The following INPP4B variants were observed in gnomAD, a reference collection of about 807,000 sequenced individuals.
INPP4B encodes the protein inositol polyphosphate 4-phosphatase type II.
A neutral mutation model predicts 122.5 loss-of-function variants in INPP4B; 55 were observed. The observed-to-expected ratio is 0.45, with a 90% CI of 0.36 to 0.56. The LOEUF (loss-of-function observed/expected upper bound fraction) is 0.56. Among genes scored for constraint, INPP4B ranks in the 20% least tolerant of loss-of-function variants. The probability of loss-of-function intolerance (pLI) is 0.00; values close to 1 mark genes in which losing one functional copy is unlikely to be tolerated. For synonymous variants in INPP4B, 403 were observed against 388.7 expected (o/e 1.04, Z -0.43); for missense variants, 1,000 against 1,097.7 (o/e 0.91, Z 1.26).
intron 15 of INPP4B, among the ~76,000 whole-genome samples, chr4:142,189,070 T>C (rs1369098394): frequency 1.3e-5 from 2 of 152,212 alleles, no homozygotes; most frequent in Non-Finnish European, 2.9e-5. Context: ...CTATTTATAA[T>C]AGAGAATAAG....
At chr4:142,550,018 G>A (rs1237996394) in intron 2 of INPP4B, among the ~76,000 whole-genome samples, 2 of 152,132 alleles carry the variant, frequency 1.3e-5, no homozygotes, top group African/African-American at 4.8e-5. Flanking sequence ...CTAGCAGGTT[G>A]GTGAATTTTC....
At chr4:142,645,549 T>C (rs1751566043) in intron 2 of INPP4B, among the ~76,000 whole-genome samples, 4 of 152,226 alleles carry the variant, frequency 2.6e-5, no homozygotes, top group Non-Finnish European at 5.9e-5. Flanking sequence ...ACTTCTGTGC[T>C]ATCCACATCC....
intron 2 of INPP4B, among the ~76,000 whole-genome samples, chr4:142,646,353 A>AT: frequency 6.6e-6 from 1 of 152,260 alleles, no homozygotes; most frequent in African/African-American, 2.4e-5. Context: ...AGAAGATCCT[A>AT]TTTTTAAAAA....
intron 9 of INPP4B, among the ~76,000 whole-genome samples, chr4:142,289,501 C>T (rs1197358334): frequency 6.6e-6 from 1 of 152,164 alleles, no homozygotes; most frequent in African/African-American, 2.4e-5. Flanking sequence ...TCCCAGCATC[C>T]ACAAGCTATT....
At chr4:142,060,515 G>A (rs1038213686) in intron 25 of INPP4B, among the ~76,000 whole-genome samples, 1 of 152,154 alleles carries the variant, frequency 6.6e-6, no homozygotes. Context: ...ATAAAGAAAT[G>A]AATGTAAATT....
At chr4:142,511,188 A>G (rs1204151192) in intron 2 of INPP4B, among the ~76,000 whole-genome samples, 4 of 152,160 alleles carry the variant, frequency 2.6e-5, no homozygotes, top group Non-Finnish European at 5.9e-5. Flanking sequence ...TTATTCTAAA[A>G]TTTCAAGTCA....
chr4:142,102,883 TA>T (rs1785172175), intron 23 of INPP4B, among the ~76,000 whole-genome samples: 1 of 152,096 alleles, frequency 6.6e-6, no homozygotes, highest in African/African-American at 2.4e-5. Context: ...CAACTGTCTT[TA>T]AACATGCATC....
chr4:142,351,335 G>A (rs748393401), intron 7 of INPP4B, among the ~76,000 whole-genome samples: 3 of 151,934 alleles, frequency 2.0e-5, no homozygotes, highest in Non-Finnish European at 2.9e-5. Context: ...CCACTTCTGT[G>A]ATTATTTGTA....
intron 14 of INPP4B, among the ~76,000 whole-genome samples, chr4:142,198,844 G>C (rs1839507382): frequency 6.6e-6 from 1 of 152,044 alleles, no homozygotes; most frequent in East Asian, 1.9e-4. Context: ...TCCTGTTCCA[G>C]TTCTCACACT....
At chr4:142,087,835 T>G (rs1270523625) in intron 23 of INPP4B, among the ~76,000 whole-genome samples, 1 of 152,164 alleles carries the variant, frequency 6.6e-6, no homozygotes, top group Non-Finnish European at 1.5e-5. Context: ...TAGTGATATA[T>G]ATCTAAGAGC....
At chr4:142,551,365 G>A (rs796395267) in intron 2 of INPP4B, among the ~76,000 whole-genome samples, 8 of 152,214 alleles carry the variant, frequency 5.3e-5, no homozygotes, top group African/African-American at 1.7e-4. Flanking sequence ...GAACTTGTGG[G>A]GCCATTTTCC....
At chr4:142,502,550 G>A (rs551457325) in intron 2 of INPP4B, among the ~76,000 whole-genome samples, 3 of 152,134 alleles carry the variant, frequency 2.0e-5, no homozygotes, top group Admixed American at 6.6e-5. Flanking sequence ...ATGCAATGAC[G>A]TAATTTCAGC....
intron 23 of INPP4B, among the ~76,000 whole-genome samples, chr4:142,091,550 T>A (rs766145569): frequency 1.3e-5 from 2 of 152,196 alleles, no homozygotes; most frequent in Non-Finnish European, 2.9e-5. Context: ...AAAGTCAGAA[T>A]GTATCCAAAG....
At chr4:142,629,182 T>C (rs918420909) in intron 2 of INPP4B, among the ~76,000 whole-genome samples, 6 of 152,044 alleles carry the variant, frequency 3.9e-5, no homozygotes, top group Non-Finnish European at 7.4e-5. Flanking sequence ...TTCTGGGGCA[T>C]ATATTAAACC....
At chr4:142,387,324 TA>T (rs930921600) in intron 7 of INPP4B, among the ~76,000 whole-genome samples, 51 of 152,110 alleles carry the variant, frequency 3.4e-4, no homozygotes, top group African/African-American at 1.2e-3. Context: ...ATATTTTAGA[TA>T]AAAATGGGGT....
intron 15 of INPP4B, among the ~76,000 whole-genome samples, chr4:142,178,037 T>C (rs1355479536): frequency 6.6e-6 from 1 of 152,162 alleles, no homozygotes; most frequent in Non-Finnish European, 1.5e-5. Context: ...GCCTGGACTT[T>C]CCCGCTGGAC....
At chr4:142,734,561 C>T (rs1233257005) in intron 1 of INPP4B, among the ~76,000 whole-genome samples, 10 of 152,106 alleles carry the variant, frequency 6.6e-5, no homozygotes, top group Admixed American at 6.5e-4. Context: ...GCTCACTTTT[C>T]CTTCGATACA....
chr4:142,181,573 G>A (rs1019449982), intron 15 of INPP4B, among the ~76,000 whole-genome samples: 4 of 152,072 alleles, frequency 2.6e-5, no homozygotes, highest in African/African-American at 9.6e-5. Flanking sequence ...ATAATCCACC[G>A]AATAACTGAA....
chr4:142,670,207 G>A (rs905915724), intron 2 of INPP4B, among the ~76,000 whole-genome samples: 2 of 152,024 alleles, frequency 1.3e-5, no homozygotes, highest in Non-Finnish European at 2.9e-5. Context: ...GGTATCAGAC[G>A]TTCACTGGTG....
Sources: allele counts gnomAD v4.1 joint callset (sites outside exome capture counted in the v4.1 genomes callset), GRCh38; gene constraint gnomAD v4.1.1; transcripts MANE v1.5; gene names NCBI Gene and HGNC (gene_info 2026-07-23, HGNC 2026-07-21).